BBS9: variants seen among roughly 807,000 people sequenced by gnomAD.
BBS9 encodes the protein protein PTHB1.
A neutral mutation model predicts 117.7 loss-of-function variants in BBS9; 89 were observed. That is an observed-to-expected ratio of 0.76 (90% confidence interval 0.64 to 0.90). The LOEUF is 0.90. Among genes scored for constraint, BBS9 ranks in the 40% least tolerant of loss-of-function variants. The pLI is 0.00. For synonymous variants in BBS9, 379 were observed against 370.9 expected, an observed-to-expected ratio of 1.02 and a Z score of -0.25; for missense variants, 982 against 1,042.2, an observed-to-expected ratio of 0.94 and a Z score of 0.80.
chr7:33,209,195 G>T (rs779115925), intron 5 of BBS9, among the ~76,000 whole-genome samples: 1 of 152,172 alleles, frequency 6.6e-6, no homozygotes, highest in Non-Finnish European at 1.5e-5. Flanking sequence ...AACATGTGAA[G>T]TTTGTCTTTC....
intron 18 of BBS9, among the ~76,000 whole-genome samples, chr7:33,386,180 T>C (rs911746740): frequency 6.6e-6 from 1 of 152,110 alleles, no homozygotes; most frequent in Non-Finnish European, 1.5e-5. Flanking sequence ...AACTGAAGGG[T>C]AAATAAAGAC....
chr7:33,571,766 C>A (rs1476516833), intron 21 of BBS9, among the ~76,000 whole-genome samples: 2 of 151,912 alleles, frequency 1.3e-5, no homozygotes, highest in Non-Finnish European at 2.9e-5. Flanking sequence ...GCTAAAAGAA[C>A]CCTCTCTTTT....
intron 1 of BBS9, among the ~76,000 whole-genome samples, chr7:33,140,864 A>G (rs1791342565): frequency 1.3e-5 from 2 of 152,176 alleles, no homozygotes; most frequent in Non-Finnish European, 2.9e-5. Flanking sequence ...TACCTGTTAG[A>G]TATTTGTTCA....
intron 5 of BBS9, among the ~76,000 whole-genome samples, chr7:33,213,516 T>C (rs1592467): frequency 0.83 from 125,547 of 152,174 alleles, 51,815 homozygotes; most frequent in Admixed American, 0.86. Flanking sequence ...AGGCAAAGTC[T>C]CTTTTACTTT....
At chr7:33,202,731 C>G (rs1006432469) in intron 5 of BBS9, among the ~76,000 whole-genome samples, 1 of 152,098 alleles carries the variant, frequency 6.6e-6, no homozygotes, top group African/African-American at 2.4e-5. Context: ...GAGGTCTGCC[C>G]CCATGATCCA....
intron 21 of BBS9, among the ~76,000 whole-genome samples, chr7:33,591,925 T>G (rs1428387964): frequency 6.6e-6 from 1 of 152,028 alleles, no homozygotes; most frequent in Non-Finnish European, 1.5e-5. Flanking sequence ...CCTATTGTAA[T>G]CTCAGAGGAG....
chr7:33,588,262 AC>A (rs1431566094), intron 21 of BBS9, among the ~76,000 whole-genome samples: 1 of 152,098 alleles, frequency 6.6e-6, no homozygotes, highest in African/African-American at 2.4e-5. Flanking sequence ...CTTTTTGAGA[AC>A]CTTTTTTGGT....
chr7:33,570,039 A>G (rs1857537252), intron 21 of BBS9, among the ~76,000 whole-genome samples: 1 of 152,204 alleles, frequency 6.6e-6, no homozygotes, highest in African/African-American at 2.4e-5. Flanking sequence ...TACTTTCTGT[A>G]TTGTAAGCAC....
chr7:33,590,459 G>GTTTTTTTTTTTTTT (rs71554107), intron 21 of BBS9, among the ~76,000 whole-genome samples: 5 of 101,498 alleles, frequency 4.9e-5, no homozygotes, highest in African/African-American at 1.2e-4. Flanking sequence ...TTGTTTTTTT[G>GTTTTTTTTTTTTTT]TTTTTTTTTT....
intron 4 of BBS9, among the ~76,000 whole-genome samples, chr7:33,175,443 T>C (rs181761354): frequency 2.0e-5 from 3 of 152,242 alleles, no homozygotes; most frequent in Admixed American, 2.0e-4. Context: ...AAGACAAACT[T>C]AAGACAATTT....
downstream of BBS9, among the ~76,000 whole-genome samples, chr7:33,606,555 T>G (rs1864580087): frequency 6.6e-6 from 1 of 152,144 alleles, no homozygotes; most frequent in Non-Finnish European, 1.5e-5. Flanking sequence ...CTAATCAGAG[T>G]AAGATGCCTC....
chr7:33,490,375 G>A (rs1046840704), intron 19 of BBS9, among the ~76,000 whole-genome samples: 4 of 151,052 alleles, frequency 2.6e-5, no homozygotes, highest in Non-Finnish European at 4.4e-5. Flanking sequence ...TTTTATTTGT[G>A]TGTTTTAACA....
intron 19 of BBS9, among the ~76,000 whole-genome samples, chr7:33,484,943 C>T (rs966610184): frequency 6.6e-6 from 1 of 152,184 alleles, no homozygotes; most frequent in African/African-American, 2.4e-5. Context: ...TATATATACA[C>T]CATAGAATAC....
chr7:33,556,405 G>A (rs1855300746), intron 21 of BBS9, among the ~76,000 whole-genome samples: 1 of 152,048 alleles, frequency 6.6e-6, no homozygotes, highest in African/African-American at 2.4e-5. Context: ...TTTTCCTTTA[G>A]TACATTACAA....
chr7:33,170,715 G>C (rs1211557953), intron 4 of BBS9, among the ~76,000 whole-genome samples: 1 of 147,594 alleles, frequency 6.8e-6, no homozygotes, highest in Admixed American at 6.7e-5. Context: ...CATTGTCTCA[G>C]CCCAAAATCT....
At chr7:33,434,362 A>G (rs1305996718) in intron 19 of BBS9, among the ~76,000 whole-genome samples, 2 of 151,858 alleles carry the variant, frequency 1.3e-5, no homozygotes, top group East Asian at 3.9e-4. Context: ...TTTTAGTAAT[A>G]TATTCATTAA....
intron 19 of BBS9, among the ~76,000 whole-genome samples, chr7:33,487,836 C>A (rs1034076526): frequency 5.3e-5 from 8 of 152,168 alleles, no homozygotes; most frequent in African/African-American, 1.7e-4. Context: ...GCTCATAGCT[C>A]TCTTTCCACA....
intron 20 of BBS9, among the ~76,000 whole-genome samples, chr7:33,520,703 A>G (rs1477085122): frequency 6.6e-6 from 1 of 152,162 alleles, no homozygotes; most frequent in Non-Finnish European, 1.5e-5. Context: ...TCATAGTGTG[A>G]GATGGTGAAT....
intron 19 of BBS9, among the ~76,000 whole-genome samples, chr7:33,459,115 A>G (rs1584905697): frequency 6.6e-6 from 1 of 152,132 alleles, no homozygotes; most frequent in East Asian, 1.9e-4. Flanking sequence ...AGAGGAAAGA[A>G]GAAAATAAAC....
Sources: allele counts gnomAD v4.1 joint callset (sites outside exome capture counted in the v4.1 genomes callset), GRCh38; gene constraint gnomAD v4.1.1; transcripts MANE v1.5; gene names NCBI Gene and HGNC (gene_info 2026-07-23, HGNC 2026-07-21).